The following COL9A3 variants were observed in gnomAD, a reference collection of about 807,000 sequenced individuals.
COL9A3 encodes the protein collagen alpha-3(IX) chain.
COL9A3 carries 82 observed loss-of-function variants against 110.2 expected under a neutral mutation model. The observed-to-expected ratio is 0.74, with a 90% CI of 0.62 to 0.89. The LOEUF (loss-of-function observed/expected upper bound fraction) is 0.89, where lower values mean the gene tolerates loss of function less well. Ranked by LOEUF, COL9A3 falls within the 40% of genes least tolerant of loss-of-function variation. The pLI is 0.00. For synonymous variants in COL9A3, 494 were observed against 403.8 expected (o/e 1.22, Z -2.68); for missense variants, 1,066 against 981.3 (o/e 1.09, Z -1.15).
chr20:62,826,882 T>C, intron 15 of COL9A3, 62 bp downstream of exon 15: 1 of 1,565,816 alleles, frequency 6.4e-7, no homozygotes, highest in Middle Eastern at 1.7e-4. Flanking sequence ...TTCCCTCTGC[T>C]CCTCTCAGAC....
At chr20:62,823,499 T>TACC (rs2063526800) in intron 10 of COL9A3, among the ~76,000 whole-genome samples, 1 of 152,240 alleles carries the variant, frequency 6.6e-6, no homozygotes, top group Non-Finnish European at 1.5e-5. Context: ...CGACGCTGTC[T>TACC]ACCAGCCTCT....
At chr20:62,818,490 G>T (rs773812813) in intron 2 of COL9A3, 28 bp from the exon 3 acceptor site, 1 of 1,611,618 alleles carries the variant, frequency 6.2e-7, no homozygotes, top group Non-Finnish European at 8.5e-7. Context: ...TGATTTTCAG[G>T]GTTACATGTG....
intron 30 of COL9A3, 67 bp downstream of exon 30, chr20:62,837,332 G>A: frequency 6.5e-7 from 1 of 1,534,810 alleles, no homozygotes; most frequent in South Asian, 1.1e-5. Context: ...TTGTTAGTAG[G>A]CGCTGCTTCT....
Position 62,832,923 on chromosome 20 carries a change from A to G in COL9A3, c.1324-97A>G, listed in dbSNP as rs184865274. On this transcript the variant is annotated intron_variant, in intron 25 of 31. Transcript: ENST00000649368. ...TTTTGGCCTCGACCTTAAGATGAAC[A>G]TTACACCTACGGAGGCTTGAGAGCA... 2.0e-4 allele frequency: 239 copies of G among 1,170,560 alleles called. 2 individuals are homozygous for G. In the East Asian group the frequency reaches 5.5e-3, roughly 27 times the overall value. The allele number at this position is 1,170,560 out of a possible 1,614,324, so 72.5% of individuals were successfully genotyped here. A position where few individuals can be genotyped will look rare whatever the true frequency, so the allele number is the denominator to read the frequency against.
chr20:62,837,175 G>GCT lies in COL9A3; in HGVS notation c.1696_1697insCT (p.Gly566AlafsTer108). 6.2e-7 allele frequency: 1 copy of GCT among 1,612,330 alleles called. No individual in the cohort carries two copies. The highest frequency in any genetic ancestry group is 2.2e-5 in the East Asian group (1 of 44,840). ...TCCAGCTGGCCCCCCTGGGCCCCCAGGACCCCCAGGCTCCATTGGTCACCC... is the reference window on the plus strand; with the variant it reads ...TCCAGCTGGCCCCCCTGGGCCCCCAGCTGACCCCCAGGCTCCATTGGTCACCC... On this transcript the variant is annotated frameshift_variant, in exon 30 of 32. Coordinates refer to ENST00000649368, the MANE Select transcript of COL9A3 (RefSeq NM_001853.4). LOFTEE classifies it high-confidence loss of function.
Position 62,840,798 on chromosome 20 carries a change from G to T in COL9A3, c.*66G>T. 1 of 1,533,272 alleles carries T rather than the reference G, an allele frequency of 6.5e-7. No individual in the cohort carries two copies. Among genetic ancestry groups the T allele is most frequent in the Non-Finnish European group, 8.8e-7 (1 of 1,131,156 alleles). The allele number at this position is 1,533,272 out of a possible 1,614,324, so 95.0% of individuals were successfully genotyped here. A position where few individuals can be genotyped will look rare whatever the true frequency, so the allele number is the denominator to read the frequency against. On this transcript the variant is annotated 3_prime_UTR_variant, in exon 32 of 32. Transcript: ENST00000649368. ...ACAGTGGACGGTCATGAAGGAGCGG[G>T]GGTGTGGCAGGCGGGTGACGTCCAG... is the stretch of plus-strand genomic sequence containing the variant.
chr20:62,816,987 G>T (rs1004515607), upstream of COL9A3: 1 of 871,130 alleles, frequency 1.1e-6, no homozygotes. Context: ...AAGGGGAAGG[G>T]GAAGGGGCCG....
chr20:62,840,659 T>G lies in COL9A3; in HGVS notation c.1982T>G (p.Ile661Ser). 2.5e-6 allele frequency: 4 copies of G among 1,608,392 alleles called. No homozygotes were observed. The highest frequency in any genetic ancestry group is 3.4e-6 in the Non-Finnish European group (4 of 1,177,832). ...ATTGGGGCCCAGGGGACACCGGGGA[T>G]CTGCGACACCTCAGCCTGCCAAGGA... ...GAIGAQGTPGICDTSACQGAV... is the reference protein window; with the variant it reads ...GAIGAQGTPGSCDTSACQGAV... Residue 661 changes from isoleucine (I) to serine (S), a missense_variant, in exon 32 of 32, where the codon ATC becomes AGC. Coordinates refer to ENST00000649368, the MANE Select transcript of COL9A3 (RefSeq NM_001853.4).
rs777903691 is a variant in COL9A3, at chr20:62,830,545, G to A, written c.1244G>A (p.Gly415Asp). The A allele has an allele frequency of 5.0e-6, 8 of 1,607,878 alleles. No individual in the cohort carries two copies. The African/African-American group carries it at 1.1e-4, about 22-fold the overall frequency. Reference protein sequence around the residue: ...QGQKGSMGDPGLPGPQGLRGD... With the variant: ...QGQKGSMGDPDLPGPQGLRGD... ...CAGAAGGGCAGCATGGGAGACCCCG[G>A]CCTTCCAGGCCCCCAGGGCCTCCGA... is the stretch of plus-strand genomic sequence containing the variant. Residue 415 changes from glycine to aspartate, a missense_variant, in exon 24 of 32, where the codon GGC becomes GAC. By Grantham distance (94) the Gly-to-Asp change is moderately conservative. Coordinates refer to ENST00000649368, the MANE Select transcript of COL9A3 (RefSeq NM_001853.4).
intron 31 of COL9A3, among the ~76,000 whole-genome samples, chr20:62,839,242 A>AAG (rs11473712): frequency 1.2e-3 from 189 of 152,020 alleles, no homozygotes; most frequent in Middle Eastern, 3.4e-3. Context: ...AAAAAAAAAA[A>AAG]GTTTAATCAG....
At position 62,832,886 on chromosome 20, in the gene COL9A3, T is replaced by G. The variant is rs928725688; in HGVS notation, c.1324-134T>G. 24 of 853,958 alleles carry G rather than the reference T, an allele frequency of 2.8e-5. No individual in the cohort carries two copies. The East Asian group carries it at 3.0e-4, about 11-fold the overall frequency. The allele number at this position is 853,958 out of a possible 1,614,324, so 52.9% of individuals were successfully genotyped here. ...TTTGGAGCGGGTTAAAAGGCAGCCC[T>G]GGGGCCTGGGCTTTTGGCCTCGACC... On this transcript the variant is annotated intron_variant, in intron 25 of 31. Transcript: ENST00000649368.
Position 62,826,184 on chromosome 20 carries a change from T to C in COL9A3, c.685-20T>C, listed in dbSNP as rs774663181. Reference sequence around the variant, plus strand: ...TGGAGGTGCAGCCCCAGCCTCTGCATCTGTGCCTCTCTCTCGCAGGGCCCC... The same window carrying C: ...TGGAGGTGCAGCCCCAGCCTCTGCACCTGTGCCTCTCTCTCGCAGGGCCCC... On this transcript the variant is annotated intron_variant, in intron 13 of 31. Coordinates refer to ENST00000649368, the MANE Select transcript of COL9A3 (RefSeq NM_001853.4). The C allele has an allele frequency of 1.3e-6, 2 of 1,555,492 alleles. No individual in the cohort carries two copies. Among genetic ancestry groups the C allele is most frequent in the South Asian group, 1.2e-5 (1 of 84,528 alleles).
At chr20:62,822,547 G>T in intron 9 of COL9A3, 44 bp from the exon 10 acceptor site, 1 of 1,609,030 alleles carries the variant, frequency 6.2e-7, no homozygotes, top group Non-Finnish European at 8.5e-7. Flanking sequence ...GCTGCAGGTG[G>T]CTGGGGAGGG....
intron 31 of COL9A3, among the ~76,000 whole-genome samples, chr20:62,840,065 A>ACACCATGCCCG (rs1392050420): frequency 6.6e-6 from 1 of 150,952 alleles, no homozygotes; most frequent in Admixed American, 6.6e-5. Flanking sequence ...CACCATGCCC[A>ACACCATGCCCG]CACCATGCCC....
At position 62,830,576 on chromosome 20, in the gene COL9A3, C is replaced by T. The variant is rs776152858; in HGVS notation, c.1275C>T (p.Asp425=). 3.0e-5 allele frequency: 48 copies of T among 1,602,888 alleles called. No individual in the cohort carries two copies. Among genetic ancestry groups the T allele is most frequent in the Admixed American group, 6.8e-5 (4 of 58,706 alleles). ...CAGGCCCCCAGGGCCTCCGAGGTGA[C>T]GTGGGCGACCGGGTAAGTGGCCCTC... ...GLPGPQGLRG[D]VGDRGPGGAA... The change falls in exon 24 of 32, where the codon GAC becomes GAT. Residue 425 remains aspartate (D), a synonymous_variant. Coordinates refer to ENST00000649368, the MANE Select transcript of COL9A3 (RefSeq NM_001853.4).
chr20:62,819,010 G>A lies in COL9A3; in HGVS notation c.184-212G>A, dbSNP rs549407076. ...TACAGATGCCACTGAGGGATGGGGC[G>A]GGCAGCCTTCCTGGGCCAGCAAGGT... On this transcript the variant is annotated intron_variant, in intron 3 of 31. Coordinates refer to ENST00000649368, the MANE Select transcript of COL9A3 (RefSeq NM_001853.4). Among the ~76,000 whole-genome samples, 7 of 152,310 alleles carry A rather than the reference G, an allele frequency of 4.6e-5. No individual in the cohort carries two copies. In the East Asian group the frequency reaches 5.8e-4, roughly 13 times the overall value.
At chr20:62,827,333 G>A (rs2063562505) in intron 16 of COL9A3, 39 bp downstream of exon 16, 1 of 1,600,508 alleles carries the variant, frequency 6.2e-7, no homozygotes, top group East Asian at 2.2e-5. Context: ...GTCCTTATGT[G>A]GAAGAACCCA....
Position 62,827,252 on chromosome 20 carries a change from CGA to C in COL9A3, c.808_809del (p.Arg270GlyfsTer11). The C allele has an allele frequency of 6.2e-7, 1 of 1,613,240 alleles. No homozygotes were observed. The highest frequency in any genetic ancestry group is 8.5e-7 in the Non-Finnish European group (1 of 1,179,956). ...GAPGKAGDRG[E>X]RGPEGFRGPK... ...CTCATCCTTTCCAGGGTGACCGAGGCGAGAGGGGCCCAGAAGGGTTCCGCGGC... is the reference window on the plus strand; with the variant it reads ...CTCATCCTTTCCAGGGTGACCGAGGCGAGGGGCCCAGAAGGGTTCCGCGGC... On this transcript the variant is annotated frameshift_variant, in exon 16 of 32. Transcript: ENST00000649368. LOFTEE classifies it high-confidence loss of function.
chr20:62,840,446 C>A (rs2063668175), intron 31 of COL9A3, 96 bp from the exon 32 acceptor site: 1 of 1,140,880 alleles, frequency 8.8e-7, no homozygotes, highest in Non-Finnish European at 1.3e-6. Flanking sequence ...GAAGAGTGAG[C>A]AGATGGAAGA....
Sources: allele counts gnomAD v4.1 joint callset (sites outside exome capture counted in the v4.1 genomes callset), GRCh38; gene constraint gnomAD v4.1.1; transcripts MANE v1.5; gene names NCBI Gene and HGNC (gene_info 2026-07-23, HGNC 2026-07-21).